Variants in EXOC4 observed in about 807,000 individuals in gnomAD.
EXOC4 encodes exocyst complex component 4.
EXOC4 carries 71 observed loss-of-function variants against 107.2 expected under a neutral mutation model. That is an observed-to-expected ratio of 0.66 (90% CI 0.55 to 0.81). EXOC4 has a LOEUF of 0.81. EXOC4 is among the 30% of genes least tolerant of loss of function. The pLI is 0.00. For missense variants in EXOC4, 1,108 were observed against 1,189.6 expected (o/e 0.93, Z 1.01); for synonymous variants, 456 against 441.2 (o/e 1.03, Z -0.42).
At chr7:133,996,773 A>G (rs1037608001) in intron 14 of EXOC4, among the ~76,000 whole-genome samples, 4 of 152,174 alleles carry the variant, frequency 2.6e-5, no homozygotes, top group Admixed American at 6.5e-5. Context: ...CCTGAGTTCT[A>G]CATTTCAAGG....
chr7:133,829,438 G>A (rs944362528), intron 11 of EXOC4, among the ~76,000 whole-genome samples: 3 of 152,160 alleles, frequency 2.0e-5, no homozygotes, highest in Non-Finnish European at 2.9e-5. Flanking sequence ...CACTAGTTCC[G>A]CTCTGAAGGG....
chr7:134,099,203 T>C, the EXOC4 span, among the ~76,000 whole-genome samples: 1 of 152,134 alleles, frequency 6.6e-6, no homozygotes, highest in African/African-American at 2.4e-5. Context: ...GGTGTCCTTG[T>C]AAAAAGGGTG....
intron 14 of EXOC4, among the ~76,000 whole-genome samples, chr7:133,970,420 G>A (rs931532691): frequency 6.8e-5 from 10 of 147,024 alleles, no homozygotes; most frequent in African/African-American, 1.0e-4. Flanking sequence ...AGCTAGCTCA[G>A]TGTCTGCCCA....
intron 10 of EXOC4, among the ~76,000 whole-genome samples, chr7:133,655,720 C>T (rs1803275915): frequency 6.6e-6 from 1 of 152,310 alleles, no homozygotes; most frequent in South Asian, 2.1e-4. Flanking sequence ...GAGCTGCCAT[C>T]TCCTAGGATA....
chr7:133,421,498 T>A (rs1346606857), intron 7 of EXOC4, among the ~76,000 whole-genome samples: 1 of 152,190 alleles, frequency 6.6e-6, no homozygotes, highest in Non-Finnish European at 1.5e-5. Flanking sequence ...AGAATGTTCC[T>A]TGCAGAGGAC....
intron 11 of EXOC4, among the ~76,000 whole-genome samples, chr7:133,882,521 C>A (rs552151085): frequency 1.3e-5 from 2 of 152,296 alleles, no homozygotes; most frequent in East Asian, 3.9e-4. Context: ...AGACCCTAAA[C>A]AAGCAATTAT....
chr7:133,435,734 A>G (rs1797955947), intron 7 of EXOC4, among the ~76,000 whole-genome samples: 1 of 152,132 alleles, frequency 6.6e-6, no homozygotes, highest in Non-Finnish European at 1.5e-5. Flanking sequence ...TATTTGTGTT[A>G]CTTAAGTTTT....
chr7:133,547,975 G>A (rs562219276), intron 9 of EXOC4, among the ~76,000 whole-genome samples: 27 of 151,786 alleles, frequency 1.8e-4, no homozygotes, highest in African/African-American at 4.4e-4. Context: ...TACTTTGCCC[G>A]GATCCATCAG....
At chr7:133,294,447 C>G (rs1337209352) in intron 3 of EXOC4, among the ~76,000 whole-genome samples, 1 of 152,230 alleles carries the variant, frequency 6.6e-6, no homozygotes, top group East Asian at 1.9e-4. Context: ...AGCTGACAGT[C>G]ACAAGGCTTG....
At chr7:133,883,855 A>G (rs1343096865) in intron 11 of EXOC4, among the ~76,000 whole-genome samples, 2 of 152,216 alleles carry the variant, frequency 1.3e-5, no homozygotes, top group Non-Finnish European at 2.9e-5. Context: ...TCATCTTAGT[A>G]AAAACAGGAC....
chr7:133,759,218 A>G (rs1238742360), intron 10 of EXOC4, among the ~76,000 whole-genome samples: 1 of 151,906 alleles, frequency 6.6e-6, no homozygotes, highest in Non-Finnish European at 1.5e-5. Flanking sequence ...ACTGGCTTCA[A>G]GCAGTCCTCC....
intron 10 of EXOC4, among the ~76,000 whole-genome samples, chr7:133,764,899 C>A (rs1796104716): frequency 6.6e-6 from 1 of 151,846 alleles, no homozygotes; most frequent in Admixed American, 6.6e-5. Context: ...GGTTTTAAGC[C>A]CCAGTTGTGC....
rs1435037220 is a variant in EXOC4 at position 134,064,991 on chromosome 7, T to G, written c.*463T>G. The G allele has an allele frequency of 6.5e-6, 1 of 152,674 alleles. No individual in the cohort carries two copies. Among genetic ancestry groups the G allele is most frequent in the Non-Finnish European group, 1.5e-5 (1 of 68,062 alleles). The allele number at this position is 152,674 out of a possible 1,614,324, so 9.5% of individuals were successfully genotyped here. On this transcript the variant is annotated 3_prime_UTR_variant, in exon 18 of 18. Transcript: ENST00000253861. ...CTGACCTTATCCGTTTACAGTTCAA[T>G]GAAATAAGTGTATGTGCATTGCTGT...
At chr7:133,589,274 ACT>A (rs1192137980) in intron 9 of EXOC4, among the ~76,000 whole-genome samples, 2 of 152,086 alleles carry the variant, frequency 1.3e-5, no homozygotes, top group Non-Finnish European at 2.9e-5. Flanking sequence ...CTTTCTCAAA[ACT>A]CTGTCATAAT....
chr7:133,833,047 C>T lies in EXOC4; in HGVS notation c.1734+15503C>T, dbSNP rs116161293. ...TTCCAGGAAAAACACTCCCTTAACA[C>T]ACACATATGCACACACATGCACACA... On this transcript the variant is annotated intron_variant, in intron 11 of 17. Coordinates refer to ENST00000253861, the MANE Select transcript of EXOC4 (RefSeq NM_021807.4). 6.3e-3 allele frequency among the ~76,000 whole-genome samples: 928 copies of T among 146,596 alleles called. 5 individuals are homozygous for T. The highest frequency in any genetic ancestry group is 0.024 in the Middle Eastern group (7 of 288).
intron 1 of EXOC4, among the ~76,000 whole-genome samples, chr7:133,270,133 C>G (rs1042277021): frequency 6.6e-6 from 1 of 152,042 alleles, no homozygotes; most frequent in African/African-American, 2.4e-5. Flanking sequence ...CAGGGTAGTC[C>G]CTGCACAAGC....
At chr7:133,411,831 C>A (rs1242430900) in intron 7 of EXOC4, among the ~76,000 whole-genome samples, 1 of 152,062 alleles carries the variant, frequency 6.6e-6, no homozygotes, top group African/African-American at 2.4e-5. Flanking sequence ...AGTATGCTAG[C>A]TTTGGGGGAA....
At chr7:133,754,261 C>T (rs1369012165) in intron 10 of EXOC4, among the ~76,000 whole-genome samples, 1 of 152,162 alleles carries the variant, frequency 6.6e-6, no homozygotes, top group Non-Finnish European at 1.5e-5. Flanking sequence ...GTGCCTTTCT[C>T]TGAGCTAGAG....
At chr7:133,282,755 C>G (rs908369101) in intron 2 of EXOC4, among the ~76,000 whole-genome samples, 3 of 152,138 alleles carry the variant, frequency 2.0e-5, no homozygotes, top group African/African-American at 4.8e-5. Flanking sequence ...ATATACTTCA[C>G]CTCACATGCT....
Sources: gnomAD v4.1 joint callset for allele counts (sites outside exome capture counted in the v4.1 genomes callset) on GRCh38, gnomAD v4.1.1 for gene constraint, MANE v1.5 for transcripts, NCBI Gene and HGNC (gene_info 2026-07-23, HGNC 2026-07-21) for gene names.